The following FRMPD4 variants were observed in gnomAD, a reference collection of about 807,000 sequenced individuals.
The protein encoded by FRMPD4 is FERM and PDZ domain-containing protein 4.
FRMPD4 carries 22 observed loss-of-function variants against 94.1 expected under a neutral mutation model. The observed-to-expected ratio is 0.23, with a 90% CI of 0.17 to 0.33. The LOEUF (loss-of-function observed/expected upper bound fraction) is 0.33. Ranked by LOEUF, FRMPD4 falls within the 10% of genes least tolerant of loss-of-function variation. The pLI, the probability that FRMPD4 is intolerant of heterozygous loss-of-function variation, is 1.00. For missense variants in FRMPD4, 1,111 were observed against 1,339.9 expected (o/e 0.83, Z 2.67); for synonymous variants, 631 against 548.6 (o/e 1.15, Z -2.10).
At chrX:12,371,671 T>A in intron 1 of FRMPD4, among the ~76,000 whole-genome samples, 1 of 111,947 alleles carries the variant, frequency 8.9e-6, no homozygotes, top group East Asian at 2.8e-4. Flanking sequence ...AGATTAAATG[T>A]GCTACAGTAT....
chrX:12,546,214 C>G (rs905304277), intron 2 of FRMPD4, among the ~76,000 whole-genome samples: 2 of 105,866 alleles, frequency 1.9e-5, no homozygotes, highest in African/African-American at 6.9e-5. Flanking sequence ...GAGTCTCACT[C>G]TGTTGCCCAG....
chrX:12,385,509 G>A (rs894967497), intron 1 of FRMPD4, among the ~76,000 whole-genome samples: 3 of 112,192 alleles, frequency 2.7e-5, no homozygotes, highest in Admixed American at 9.4e-5. Flanking sequence ...CAGTCCTTCA[G>A]TTACTCTGTA....
At chrX:12,307,205 A>G (rs1455513228) in intron 1 of FRMPD4, among the ~76,000 whole-genome samples, 1 of 112,333 alleles carries the variant, frequency 8.9e-6, no homozygotes, top group Non-Finnish European at 1.9e-5. Context: ...GTGGAGGCAC[A>G]TAACAGGAGT....
At chrX:12,546,177 CTTTTT>C (rs11321204) in intron 2 of FRMPD4, among the ~76,000 whole-genome samples, 3 of 91,941 alleles carry the variant, frequency 3.3e-5, no homozygotes, top group Non-Finnish European at 6.6e-5. Flanking sequence ...TGCCAACTGT[CTTTTT>C]TTTTTTTTTT....
At chrX:11,824,772 G>C (rs940734212) in intron 1 of FRMPD4, among the ~76,000 whole-genome samples, 1 of 111,282 alleles carries the variant, frequency 9.0e-6, no homozygotes, top group Non-Finnish European at 1.9e-5. Flanking sequence ...TTGAAAGCCA[G>C]AGGTGGAGTG....
At chrX:12,636,543 C>T (rs1356780524) in intron 4 of FRMPD4, among the ~76,000 whole-genome samples, 1 of 111,630 alleles carries the variant, frequency 9.0e-6, no homozygotes, top group African/African-American at 3.3e-5. Flanking sequence ...TTAATGATTG[C>T]AAAAGGGTGA....
chrX:12,350,679 A>G (rs1346718839), intron 1 of FRMPD4, among the ~76,000 whole-genome samples: 1 of 112,862 alleles, frequency 8.9e-6, no homozygotes, highest in Non-Finnish European at 1.9e-5. Context: ...AAACAGGTCA[A>G]GAGACAGGAA....
chrX:12,664,008 A>G (rs932359538), intron 4 of FRMPD4, among the ~76,000 whole-genome samples: 2 of 111,740 alleles, frequency 1.8e-5, no homozygotes, highest in African/African-American at 6.5e-5. Context: ...CTGTTTGTCT[A>G]TTATTGGTGT....
At chrX:12,069,617 G>C (rs2054949328) in intron 3 of FRMPD4, among the ~76,000 whole-genome samples, 1 of 111,486 alleles carries the variant, frequency 9.0e-6, no homozygotes, top group Non-Finnish European at 1.9e-5. Context: ...ATTTTAGAAA[G>C]GTCAGTGGGT....
intron 3 of FRMPD4, among the ~76,000 whole-genome samples, chrX:12,072,743 A>G (rs1240390019): frequency 9.0e-6 from 1 of 111,522 alleles, no homozygotes; most frequent in Non-Finnish European, 1.9e-5. Flanking sequence ...GCATGTCACA[A>G]TAAACATATA....
At chrX:11,855,596 T>C (rs748112362) in intron 1 of FRMPD4, among the ~76,000 whole-genome samples, 1 of 112,125 alleles carries the variant, frequency 8.9e-6, no homozygotes, top group Non-Finnish European at 1.9e-5. Flanking sequence ...ATGCCATTAG[T>C]ATCTTTGAAT....
chrX:11,823,748 T>C (rs748417611), intron 1 of FRMPD4, among the ~76,000 whole-genome samples: 3 of 111,989 alleles, frequency 2.7e-5, no homozygotes, highest in Non-Finnish European at 5.6e-5. Context: ...GAATATAATT[T>C]GCACATGTCA....
chrX:12,031,861 G>A (rs901981779), intron 3 of FRMPD4, among the ~76,000 whole-genome samples: 11 of 111,958 alleles, frequency 9.8e-5, no homozygotes, highest in African/African-American at 3.2e-4. Flanking sequence ...ATCAGGGCAA[G>A]GGATACCTGT....
At chrX:11,968,401 A>C (rs1052597588) in intron 3 of FRMPD4, among the ~76,000 whole-genome samples, 12 of 112,025 alleles carry the variant, frequency 1.1e-4, no homozygotes, top group Non-Finnish European at 2.1e-4. Flanking sequence ...GAGGAGTCTC[A>C]GAACCAGCAA....
intron 1 of FRMPD4, among the ~76,000 whole-genome samples, chrX:12,345,568 G>A (rs774546363): frequency 7.2e-5 from 8 of 111,511 alleles, no homozygotes; most frequent in Admixed American, 2.9e-4. Flanking sequence ...GGGAACCTTT[G>A]CAATTCCTCA....
chrX:12,528,383 C>T (rs1351631103), intron 2 of FRMPD4, among the ~76,000 whole-genome samples: 1 of 96,980 alleles, frequency 1.0e-5, no homozygotes, highest in Non-Finnish European at 2.0e-5. Context: ...TGCAGTGGTA[C>T]GATCTCGGCT....
At chrX:12,120,571 CT>C (rs1446516693) in intron 3 of FRMPD4, among the ~76,000 whole-genome samples, 2 of 111,142 alleles carry the variant, frequency 1.8e-5, no homozygotes, top group East Asian at 5.6e-4. Context: ...CTCAGGTGAC[CT>C]GTATCTGACT....
chrX:12,523,220 A>G (rs2148274690), intron 2 of FRMPD4, among the ~76,000 whole-genome samples: 1 of 112,096 alleles, frequency 8.9e-6, no homozygotes, highest in South Asian at 3.7e-4. Context: ...TTTGTAGTTT[A>G]TAACCTCCTG....
chrX:12,451,105 C>T (rs925392654), intron 1 of FRMPD4, among the ~76,000 whole-genome samples: 6 of 111,246 alleles, frequency 5.4e-5, no homozygotes, highest in Non-Finnish European at 1.1e-4. Context: ...TTAGGATCTG[C>T]GCACTGGCTC....
Sources: gnomAD v4.1 joint callset for allele counts (sites outside exome capture counted in the v4.1 genomes callset) on GRCh38, gnomAD v4.1.1 for gene constraint, MANE v1.5 for transcripts, NCBI Gene and HGNC (gene_info 2026-07-23, HGNC 2026-07-21) for gene names.